The following STAG1 variants were observed in gnomAD, a reference collection of about 807,000 sequenced individuals.
The protein encoded by STAG1 is STAG1 cohesin complex component.
In STAG1, 26 loss-of-function variants were observed where a neutral mutation model predicts 170.9. The ratio of observed to expected loss-of-function variants is 0.15; its 90% CI spans 0.11 to 0.21. The LOEUF (loss-of-function observed/expected upper bound fraction) is 0.21. Ranked by LOEUF, STAG1 falls within the 10% of genes least tolerant of loss-of-function variation. The probability of loss-of-function intolerance (pLI) is 1.00; values close to 1 mark genes in which losing one functional copy is unlikely to be tolerated. For missense variants in STAG1, 964 were observed against 1,509.5 expected (o/e 0.64, Z 5.99); for synonymous variants, 514 against 497.7 (o/e 1.03, Z -0.44).
At chr3:136,656,073 T>C (rs1031739275) in intron 1 of STAG1, among the ~76,000 whole-genome samples, 2 of 152,108 alleles carry the variant, frequency 1.3e-5, no homozygotes, top group Admixed American at 6.5e-5. Flanking sequence ...CAATGGAGTA[T>C]TATTCAGCCT....
At chr3:136,537,107 CTTGTCAT>C (rs1935670916) in intron 6 of STAG1, among the ~76,000 whole-genome samples, 1 of 152,126 alleles carries the variant, frequency 6.6e-6, no homozygotes, top group Non-Finnish European at 1.5e-5. Flanking sequence ...TCTTTTGGCA[CTTGTCAT>C]TTCTAATTCT....
In STAG1 at chr3:136,501,627, T is replaced by C. The variant is rs114415500; in HGVS notation, c.828+1001A>G. Among the ~76,000 whole-genome samples the C allele has an allele frequency of 1.4e-3, 218 of 152,338 alleles. 2 individuals are homozygous for C. Among genetic ancestry groups the C allele is most frequent in the African/African-American group, 5.1e-3 (214 of 41,588 alleles). On this transcript the variant is annotated intron_variant, in intron 8 of 33. Transcript: ENST00000383202. ...ATCTTGGAATTCTAGCCTGCAAGCCTGTGAGATTATAATAATGTTATTTTG... is the reference window on the plus strand; with the variant it reads ...ATCTTGGAATTCTAGCCTGCAAGCCCGTGAGATTATAATAATGTTATTTTG...
intron 2 of STAG1, among the ~76,000 whole-genome samples, chr3:136,624,351 C>CG (rs1939999776): frequency 6.6e-6 from 1 of 152,092 alleles, no homozygotes; most frequent in South Asian, 2.1e-4. Flanking sequence ...CCACCTGCCT[C>CG]GGCCTCCCAA....
intron 4 of STAG1, among the ~76,000 whole-genome samples, chr3:136,572,853 A>G (rs1937319745): frequency 6.6e-6 from 1 of 152,138 alleles, no homozygotes; most frequent in Non-Finnish European, 1.5e-5. Context: ...ATAAGCTTTC[A>G]TAAAGATATG....
chr3:136,746,097 A>T (rs931707613), intron 1 of STAG1, among the ~76,000 whole-genome samples: 1 of 152,254 alleles, frequency 6.6e-6, no homozygotes, highest in Admixed American at 6.5e-5. Flanking sequence ...CCAAAATAAC[A>T]GAAAACTTCC....
At chr3:136,746,125 T>C (rs2107956660) in intron 1 of STAG1, among the ~76,000 whole-genome samples, 1 of 152,322 alleles carries the variant, frequency 6.6e-6, no homozygotes, top group Non-Finnish European at 1.5e-5. Flanking sequence ...ACAATTCTAA[T>C]TCCTTCAAGA....
In STAG1 at chr3:136,685,788, T is replaced by A. The variant is rs1011052261; in HGVS notation, c.-83-54807A>T. ...GACTGCAAAGGGTTGGGGGGACTAG[T>A]ATGCCGAGTATCAAAATCAAAGTAT... is the stretch of plus-strand genomic sequence containing the variant. On this transcript the variant is annotated intron_variant, in intron 1 of 33. Coordinates refer to ENST00000383202, the MANE Select transcript of STAG1 (RefSeq NM_005862.3). 1.2e-4 allele frequency among the ~76,000 whole-genome samples: 19 copies of A among 152,180 alleles called. 1 individual carries two copies. The highest frequency in any genetic ancestry group is 5.9e-5 in the Non-Finnish European group (4 of 68,020).
intron 1 of STAG1, among the ~76,000 whole-genome samples, chr3:136,749,267 T>G (rs1486108920): frequency 6.6e-6 from 1 of 151,950 alleles, no homozygotes; most frequent in African/African-American, 2.4e-5. Context: ...GAGTCAGAGG[T>G]CAGACACACA....
intron 12 of STAG1, among the ~76,000 whole-genome samples, chr3:136,470,992 G>A (rs1183586982): frequency 7.6e-6 from 1 of 132,108 alleles, no homozygotes. Context: ...GTGGGGTGGG[G>A]GGAGGGATAG....
At chr3:136,383,105 G>A (rs1938067610) in intron 22 of STAG1, among the ~76,000 whole-genome samples, 1 of 152,152 alleles carries the variant, frequency 6.6e-6, no homozygotes, top group Non-Finnish European at 1.5e-5. Flanking sequence ...GAGGAAGGCT[G>A]CCATTACTGG....
intron 1 of STAG1, among the ~76,000 whole-genome samples, chr3:136,711,104 G>A (rs1943370661): frequency 6.6e-6 from 1 of 151,318 alleles, no homozygotes; most frequent in African/African-American, 2.4e-5. Context: ...AGAAAATCAA[G>A]TATCTAAGAA....
At chr3:136,644,449 T>C (rs4038586) in intron 1 of STAG1, among the ~76,000 whole-genome samples, 26,858 of 152,060 alleles carry the variant, frequency 0.18, 2,910 homozygotes, top group Non-Finnish European at 0.24. Context: ...TCTGATCAGG[T>C]TTCTCCTCTT....
chr3:136,737,457 C>A (rs1242904280), intron 1 of STAG1, among the ~76,000 whole-genome samples: 3 of 152,106 alleles, frequency 2.0e-5, no homozygotes, highest in African/African-American at 4.8e-5. Flanking sequence ...AGACTGGTCT[C>A]AAACTCCTGA....
chr3:136,562,496 G>A (rs1430329555), intron 5 of STAG1, among the ~76,000 whole-genome samples: 1 of 141,728 alleles, frequency 7.1e-6, no homozygotes, highest in Non-Finnish European at 1.5e-5. Context: ...CCTGACCTCA[G>A]GAAATCTGCC....
At chr3:136,504,690 T>C (rs1933666473) in intron 7 of STAG1, among the ~76,000 whole-genome samples, 2 of 152,290 alleles carry the variant, frequency 1.3e-5, no homozygotes, top group East Asian at 1.9e-4. Context: ...TCTACATACC[T>C]AACGCAAAAT....
chr3:136,575,892 T>C (rs1242815438), intron 4 of STAG1, among the ~76,000 whole-genome samples: 2 of 152,022 alleles, frequency 1.3e-5, no homozygotes, highest in Admixed American at 6.6e-5. Flanking sequence ...ATGGAGTCTC[T>C]GTTTGCCAGC....
At position 136,604,486 on chromosome 3, in the gene STAG1, T is replaced by TA. The variant is rs199611585; in HGVS notation, c.133-14dup. 21 of 1,583,442 alleles carry TA rather than the reference T, an allele frequency of 1.3e-5. No individual in the cohort carries two copies. Among genetic ancestry groups the TA allele is most frequent in the South Asian group, 2.3e-5 (2 of 85,384 alleles). On this transcript the variant is annotated splice_polypyrimidine_tract_variant and intron_variant, in intron 3 of 33. Transcript: ENST00000383202. ...TCTTATTTGTAGACTGAAAAAAAGATAAAAAAAGATTCCATTCGATTAGGT... is the reference window on the plus strand; with the variant it reads ...TCTTATTTGTAGACTGAAAAAAAGATAAAAAAAAGATTCCATTCGATTAGGT...
At chr3:136,530,678 G>A (rs897395091) in intron 6 of STAG1, among the ~76,000 whole-genome samples, 8 of 152,040 alleles carry the variant, frequency 5.3e-5, no homozygotes, top group African/African-American at 1.9e-4. Flanking sequence ...AGTCAACGAA[G>A]AAATTAAGGT....
At chr3:136,435,676 T>C (rs2088439104) in intron 15 of STAG1, among the ~76,000 whole-genome samples, 1 of 152,142 alleles carries the variant, frequency 6.6e-6, no homozygotes, top group Non-Finnish European at 1.5e-5. Context: ...ATTCTTTTTT[T>C]CTTTTTTTTT....
Sources: gnomAD v4.1 joint callset for allele counts (sites outside exome capture counted in the v4.1 genomes callset) on GRCh38, gnomAD v4.1.1 for gene constraint, MANE v1.5 for transcripts, NCBI Gene and HGNC (gene_info 2026-07-23, HGNC 2026-07-21) for gene names.